Variants in ADHFE1 observed in about 807,000 individuals in gnomAD.
The protein encoded by ADHFE1 is hydroxyacid-oxoacid transhydrogenase, mitochondrial.
A neutral mutation model predicts 54.8 loss-of-function variants in ADHFE1; 37 were observed. That is an observed-to-expected ratio of 0.68 (90% confidence interval 0.52 to 0.89). The LOEUF (loss-of-function observed/expected upper bound fraction) is 0.89. ADHFE1 is among the 40% of genes least tolerant of loss of function. The pLI, the probability that ADHFE1 is intolerant of heterozygous loss-of-function variation, is 0.00. For missense variants in ADHFE1, 601 were observed against 591.2 expected (o/e 1.02, Z -0.17); for synonymous variants, 203 against 229.3 (o/e 0.89, Z 1.04).
chr8:66,452,142 G>A, intron 9 of ADHFE1, 37 bp downstream of exon 9: 1 of 1,607,182 alleles, frequency 6.2e-7, no homozygotes. Flanking sequence ...TAGAACAGGA[G>A]GCCCACATTC....
chr8:66,456,680 A>G (rs958901004), intron 10 of ADHFE1, 137 bp from the exon 11 acceptor site: 2 of 608,332 alleles, frequency 3.3e-6, no homozygotes, highest in Non-Finnish European at 5.7e-6. Flanking sequence ...TATATCCAAG[A>G]AAACAGAACA....
rs199606130 is a variant in ADHFE1, at chr8:66,453,778, G to A, written c.888-281G>A. 7.2e-4 allele frequency: 1,018 copies of A among 1,410,106 alleles called. 2 individuals are homozygous for A. The highest frequency in any genetic ancestry group is 8.5e-4 in the Non-Finnish European group (890 of 1,050,612). 87.3% of individuals were successfully genotyped at this position (1,410,106 alleles called of 1,614,324 possible). On this transcript the variant is annotated intron_variant, in intron 9 of 13. Coordinates refer to ENST00000396623, the MANE Select transcript of ADHFE1 (RefSeq NM_144650.3). ...AGGGCACCTTCCTGGAGTGGCCCTC[G>A]CCATCCAGGGACCAGCGCGTTGCCT...
intron 13 of ADHFE1, among the ~76,000 whole-genome samples, chr8:66,465,254 A>G (rs963879276): frequency 3.3e-5 from 5 of 152,112 alleles, no homozygotes; most frequent in South Asian, 2.1e-4. Context: ...TTGTTGTATC[A>G]TATAGTAACT....
chr8:66,465,990 T>C (rs1276993839), intron 13 of ADHFE1, among the ~76,000 whole-genome samples: 2 of 152,156 alleles, frequency 1.3e-5, no homozygotes, highest in African/African-American at 4.8e-5. Flanking sequence ...CTCTTGACCA[T>C]GTCCTTTGAT....
At chr8:66,438,423 A>G (rs185793077) in intron 1 of ADHFE1, among the ~76,000 whole-genome samples, 3 of 152,316 alleles carry the variant, frequency 2.0e-5, no homozygotes. Flanking sequence ...GGAGCCAGTA[A>G]AAGAACAATT....
At chr8:66,457,202 G>C (rs896767858) in intron 12 of ADHFE1, 36 bp downstream of exon 12, 3 of 1,587,492 alleles carry the variant, frequency 1.9e-6, no homozygotes, top group Non-Finnish European at 2.6e-6. Flanking sequence ...TGACCGGCCA[G>C]GCACGGTGGC....
intron 1 of ADHFE1, 183 bp downstream of exon 1, chr8:66,432,758 C>A: frequency 8.1e-7 from 1 of 1,230,474 alleles, no homozygotes; most frequent in Non-Finnish European, 1.0e-6. Context: ...GTGCGCGATG[C>A]AGCCTCTCAG....
At chr8:66,456,385 A>G (rs1806584625) in intron 10 of ADHFE1, among the ~76,000 whole-genome samples, 2 of 152,228 alleles carry the variant, frequency 1.3e-5, no homozygotes, top group South Asian at 4.1e-4. Flanking sequence ...CACGTCATCA[A>G]ATACAGCACA....
intron 2 of ADHFE1, among the ~76,000 whole-genome samples, chr8:66,442,175 C>A (rs1358554111): frequency 6.6e-6 from 1 of 152,010 alleles, no homozygotes; most frequent in Non-Finnish European, 1.5e-5. Context: ...GTAATAGTAA[C>A]CCAACTCTAA....
intron 1 of ADHFE1, among the ~76,000 whole-genome samples, chr8:66,433,702 CACCATTAA>C (rs1246937936): frequency 6.6e-6 from 1 of 152,176 alleles, no homozygotes; most frequent in East Asian, 1.9e-4. Context: ...TAATATTTGT[CACCATTAA>C]ACACTGATAC....
intron 13 of ADHFE1, among the ~76,000 whole-genome samples, chr8:66,461,159 T>A (rs928781853): frequency 2.0e-5 from 3 of 152,200 alleles, no homozygotes; most frequent in Non-Finnish European, 4.4e-5. Flanking sequence ...CAAGGTCCTG[T>A]TCATTGCAAT....
chr8:66,441,815 T>C (rs142893429), intron 2 of ADHFE1, among the ~76,000 whole-genome samples: 3 of 151,752 alleles, frequency 2.0e-5, no homozygotes, highest in East Asian at 3.9e-4. Context: ...CTACTAAAAA[T>C]ACAAAAATTA....
At chr8:66,436,381 G>A (rs1320427054) in intron 1 of ADHFE1, among the ~76,000 whole-genome samples, 4 of 151,778 alleles carry the variant, frequency 2.6e-5, no homozygotes, top group African/African-American at 4.8e-5. Context: ...AGCAAACCCT[G>A]TGGCCTTCAG....
At position 66,439,817 on chromosome 8, in the gene ADHFE1, A is replaced by G; in HGVS notation, c.60-345A>G. On this transcript the variant is annotated intron_variant, in intron 1 of 13. Coordinates refer to ENST00000396623, the MANE Select transcript of ADHFE1 (RefSeq NM_144650.3). This position sits in a 1 kb window ranked among gnomAD's most constrained non-coding sequence, Gnocchi z 4.4. ...CCGATTTGGTCAACGCTCCTAACCC[A>G]GTAAGAGCTGGGGCTTCATGGAGAC... 9.1e-7 allele frequency: 1 copy of G among 1,096,400 alleles called. No homozygotes were observed. Among genetic ancestry groups the G allele is most frequent in the Non-Finnish European group, 1.1e-6 (1 of 891,432 alleles). 67.9% of individuals were successfully genotyped at this position (1,096,400 alleles called of 1,614,324 possible).
At chr8:66,448,796 C>T (rs924317883) in intron 7 of ADHFE1, 69 bp from the exon 8 acceptor site, 1 of 1,334,398 alleles carries the variant, frequency 7.5e-7, no homozygotes, top group Non-Finnish European at 1.1e-6. Flanking sequence ...ATTTATTATC[C>T]TGAAGTCATT....
At chr8:66,444,874 G>A in intron 5 of ADHFE1, 126 bp downstream of exon 5, 1 of 1,185,604 alleles carries the variant, frequency 8.4e-7, no homozygotes, top group South Asian at 1.5e-5. Flanking sequence ...GCTGAGGCAG[G>A]CAGATTGCTT....
rs1292692533 is a variant in ADHFE1, at chr8:66,440,949, A to G, written c.97+750A>G. Among the ~76,000 whole-genome samples the G allele has an allele frequency of 2.6e-5, 4 of 152,332 alleles. No individual in the cohort carries two copies. The East Asian group carries it at 7.7e-4, about 29-fold the overall frequency. The stretch of plus-strand genomic sequence containing the variant: ...TTAGAACAGAGAGAGTAACTCGCCA[A>G]GGGCTTTCTCTTGCCCAAGGAGTGA... On this transcript the variant is annotated intron_variant, in intron 2 of 13. Coordinates refer to ENST00000396623, the MANE Select transcript of ADHFE1 (RefSeq NM_144650.3).
chr8:66,452,252 C>G, intron 9 of ADHFE1, 147 bp downstream of exon 9: 1 of 1,179,022 alleles, frequency 8.5e-7, no homozygotes. Context: ...CAGACACCAG[C>G]AGCCTCTGGA....
At chr8:66,449,560 C>T (rs181731545) in intron 8 of ADHFE1, among the ~76,000 whole-genome samples, 5 of 152,310 alleles carry the variant, frequency 3.3e-5, no homozygotes, top group East Asian at 3.9e-4. Flanking sequence ...TAGTGACTTG[C>T]CCATAGTCTT....
Sources: gnomAD v4.1 joint callset for allele counts (sites outside exome capture counted in the v4.1 genomes callset) on GRCh38, gnomAD v4.1.1 for gene constraint, Gnocchi (gnomAD v3.1) non-coding constraint, MANE v1.5 for transcripts, NCBI Gene and HGNC (gene_info 2026-07-23, HGNC 2026-07-21) for gene names.